RBMS1: variants seen among roughly 807,000 people sequenced by gnomAD.
The protein encoded by RBMS1 is RNA binding motif single stranded interacting protein 1.
In RBMS1, 17 loss-of-function variants were observed where a neutral mutation model predicts 62.3. That is an observed-to-expected ratio of 0.27 (90% confidence interval 0.19 to 0.41). The LOEUF (loss-of-function observed/expected upper bound fraction) is 0.41, where lower values mean the gene tolerates loss of function less well. RBMS1 is among the 10% of genes least tolerant of loss of function. The pLI is 1.00. For synonymous variants in RBMS1, 172 were observed against 170.0 expected, an observed-to-expected ratio of 1.01 and a Z score of -0.09; for missense variants, 334 against 504.5, an observed-to-expected ratio of 0.66 and a Z score of 3.24.
intron 1 of RBMS1, among the ~76,000 whole-genome samples, chr2:160,428,332 A>G (rs1682736019): frequency 6.6e-6 from 1 of 152,232 alleles, no homozygotes; most frequent in Non-Finnish European, 1.5e-5. Flanking sequence ...ACACAGACTT[A>G]GTTATAAATG....
At chr2:160,431,312 C>T (rs990311214) in intron 1 of RBMS1, among the ~76,000 whole-genome samples, 5 of 151,418 alleles carry the variant, frequency 3.3e-5, no homozygotes, top group Non-Finnish European at 5.9e-5. Context: ...CCGAATCAAC[C>T]TACTAGCCAG....
At chr2:160,388,258 C>T (rs1199590261) in intron 1 of RBMS1, among the ~76,000 whole-genome samples, 2 of 152,160 alleles carry the variant, frequency 1.3e-5, no homozygotes, top group East Asian at 3.8e-4. Flanking sequence ...ACAGAGCAAC[C>T]GCTCTTTGAG....
At chr2:160,399,881 A>G (rs1695348579) in intron 1 of RBMS1, among the ~76,000 whole-genome samples, 1 of 152,248 alleles carries the variant, frequency 6.6e-6, no homozygotes, top group African/African-American at 2.4e-5. Context: ...AGACAATTCA[A>G]AACAATGAGG....
intron 1 of RBMS1, among the ~76,000 whole-genome samples, chr2:160,472,245 C>T (rs1406048857): frequency 6.6e-6 from 1 of 152,110 alleles, no homozygotes; most frequent in East Asian, 1.9e-4. Context: ...CAAAGCCAAA[C>T]ATTTCTGGGA....
At chr2:160,303,091 T>C (rs1034433787) in intron 5 of RBMS1, among the ~76,000 whole-genome samples, 6 of 152,202 alleles carry the variant, frequency 3.9e-5, no homozygotes, top group African/African-American at 1.2e-4. Context: ...CTTTTGCTCA[T>C]GTGATAGTTC....
chr2:160,418,740 G>T (rs922159531), intron 1 of RBMS1, among the ~76,000 whole-genome samples: 1 of 152,140 alleles, frequency 6.6e-6, no homozygotes, highest in Non-Finnish European at 1.5e-5. Context: ...TTAACCTGAG[G>T]CTTGGGGATT....
At chr2:160,345,999 G>A (rs891990482) in intron 2 of RBMS1, among the ~76,000 whole-genome samples, 4 of 152,078 alleles carry the variant, frequency 2.6e-5, no homozygotes, top group Non-Finnish European at 5.9e-5. Flanking sequence ...CCCAGAACCC[G>A]GCATAGTAGG....
At chr2:160,420,323 GT>G (rs1696373115) in intron 1 of RBMS1, among the ~76,000 whole-genome samples, 1 of 152,090 alleles carries the variant, frequency 6.6e-6, no homozygotes, top group African/African-American at 2.4e-5. Flanking sequence ...AACAGCCTCT[GT>G]TTTTCCATCA....
intron 2 of RBMS1, among the ~76,000 whole-genome samples, chr2:160,324,362 A>G (rs1191042744): frequency 6.6e-6 from 1 of 152,204 alleles, no homozygotes; most frequent in Admixed American, 6.5e-5. Context: ...GTCCACTCCA[A>G]CCACCACCAA....
chr2:160,432,929 G>A (rs113543523), intron 1 of RBMS1, among the ~76,000 whole-genome samples: 4 of 152,122 alleles, frequency 2.6e-5, no homozygotes, highest in Non-Finnish European at 5.9e-5. Flanking sequence ...CAACTACCCA[G>A]AACAGAGCAG....
intron 1 of RBMS1, among the ~76,000 whole-genome samples, chr2:160,390,104 T>G (rs1284658843): frequency 1.3e-5 from 2 of 152,232 alleles, no homozygotes; most frequent in Non-Finnish European, 2.9e-5. Context: ...TAATGGGTAG[T>G]GGTGCAACCC....
chr2:160,365,531 A>T (rs1412948386), intron 2 of RBMS1, among the ~76,000 whole-genome samples: 2 of 152,258 alleles, frequency 1.3e-5, no homozygotes, highest in African/African-American at 4.8e-5. Flanking sequence ...AGTTCAATAA[A>T]AAAATTACTG....
chr2:160,281,269 A>C, intron 10 of RBMS1, 45 bp downstream of exon 10: 34 of 1,506,048 alleles, frequency 2.3e-5, no homozygotes, highest in Non-Finnish European at 3.1e-5. Context: ...GAATATACAC[A>C]TAACTTACTT....
At chr2:160,373,496 C>G (rs1693840562) in intron 1 of RBMS1, among the ~76,000 whole-genome samples, 1 of 152,112 alleles carries the variant, frequency 6.6e-6, no homozygotes, top group South Asian at 2.1e-4. Context: ...CCCAATTGTT[C>G]TATTTCCTTC....
At chr2:160,305,001 T>C (rs1689424357) in intron 4 of RBMS1, among the ~76,000 whole-genome samples, 1 of 152,088 alleles carries the variant, frequency 6.6e-6, no homozygotes, top group Non-Finnish European at 1.5e-5. Context: ...ACTACAGGCA[T>C]GTACTACCAC....
Position 160,493,444 on chromosome 2 carries a change from CCGGCGGCGG to C in RBMS1, c.-90_-82del, listed in dbSNP as rs1169274651. 1 of 1,410,248 alleles carries C rather than the reference CCGGCGGCGG, an allele frequency of 7.1e-7. No individual in the cohort carries two copies. The highest frequency in any genetic ancestry group is 1.2e-5 in the South Asian group (1 of 85,798). 87.4% of individuals were successfully genotyped at this position (1,410,248 alleles called of 1,614,324 possible). ...CTCGGGCTCTCCTGCCTCTCCCTTTCCGGCGGCGGCGGCAGCGGCGGCGGCGGCGGCGGC... is the reference window on the plus strand; with the variant it reads ...CTCGGGCTCTCCTGCCTCTCCCTTTCCGGCAGCGGCGGCGGCGGCGGCGGC... On this transcript the variant is annotated 5_prime_UTR_variant, in exon 1 of 14. Coordinates refer to ENST00000348849, the MANE Select transcript of RBMS1 (RefSeq NM_016836.4).
intron 1 of RBMS1, among the ~76,000 whole-genome samples, chr2:160,465,652 G>A (rs1272542559): frequency 6.6e-6 from 1 of 152,180 alleles, no homozygotes; most frequent in Non-Finnish European, 1.5e-5. Flanking sequence ...CCGGAGGACT[G>A]TGGGGCAGAA....
intron 1 of RBMS1, among the ~76,000 whole-genome samples, chr2:160,398,800 G>A (rs1297311296): frequency 1.3e-5 from 2 of 152,024 alleles, no homozygotes; most frequent in African/African-American, 2.4e-5. Context: ...AATCATTTAC[G>A]ACTAGAAGCC....
intron 1 of RBMS1, among the ~76,000 whole-genome samples, chr2:160,467,051 T>C (rs1684724809): frequency 6.6e-6 from 1 of 152,124 alleles, no homozygotes; most frequent in Non-Finnish European, 1.5e-5. Context: ...AGATGCGAAT[T>C]ATCCAGGGAG....
Sources: allele counts gnomAD v4.1 joint callset (sites outside exome capture counted in the v4.1 genomes callset), GRCh38; gene constraint gnomAD v4.1.1; transcripts MANE v1.5; gene names NCBI Gene and HGNC (gene_info 2026-07-23, HGNC 2026-07-21).